Variants in MCM8 observed in about 807,000 individuals in gnomAD.
MCM8 encodes DNA helicase MCM8.
MCM8 carries 85 observed loss-of-function variants against 98.9 expected under a neutral mutation model. The observed-to-expected ratio is 0.86, with a 90% CI of 0.72 to 1.03. MCM8 has a LOEUF of 1.03. Among genes scored for constraint, MCM8 ranks in the 50% least tolerant of loss-of-function variants. The pLI, the probability that MCM8 is intolerant of heterozygous loss-of-function variation, is 0.00. For synonymous variants in MCM8, 352 were observed against 338.6 expected, an observed-to-expected ratio of 1.04 and a Z score of -0.44; for missense variants, 951 against 997.8, an observed-to-expected ratio of 0.95 and a Z score of 0.63.
chr20:5,994,750 AAATTT>A lies in MCM8; in HGVS notation c.*362_*366del, dbSNP rs1185512101. 2.2e-6 allele frequency: 1 copy of A among 452,260 alleles called. No homozygotes were observed. The highest frequency in any genetic ancestry group is 2.0e-5 in the African/African-American group (1 of 49,506). 28.0% of individuals were successfully genotyped at this position (452,260 alleles called of 1,614,324 possible). A position where few individuals can be genotyped will look rare whatever the true frequency, so the allele number is the denominator to read the frequency against. On this transcript the variant is annotated 3_prime_UTR_variant, in exon 19 of 19. Transcript: ENST00000610722. ...CCCATTTCTTAAAAAAAAAAAAAAA[AAATTT>A]AAACTTAGCTGGGTATGGTGGCACA...
chr20:5,987,140 C>G, intron 16 of MCM8, 142 bp from the exon 17 acceptor site: 2 of 723,302 alleles, frequency 2.8e-6, no homozygotes, highest in Non-Finnish European at 4.5e-6. Context: ...AGAATTACTT[C>G]CATATTTTGA....
intron 8 of MCM8, among the ~76,000 whole-genome samples, chr20:5,966,888 G>A (rs1024155534): frequency 3.3e-5 from 5 of 152,112 alleles, no homozygotes. Flanking sequence ...GATAAAGTAC[G>A]CATTCTTCCC....
intron 14 of MCM8, among the ~76,000 whole-genome samples, chr20:5,984,269 T>C (rs1470446732): frequency 6.6e-6 from 1 of 152,194 alleles, no homozygotes; most frequent in Non-Finnish European, 1.5e-5. Flanking sequence ...AAACAGTCTT[T>C]GATACATAGT....
At position 5,961,511 on chromosome 20, in the gene MCM8, C is replaced by T. The variant is rs116923940; in HGVS notation, c.790-1763C>T. On this transcript the variant is annotated intron_variant, in intron 7 of 18. Coordinates refer to ENST00000610722, the MANE Select transcript of MCM8 (RefSeq NM_032485.6). The stretch of plus-strand genomic sequence containing the variant: ...CTGGAAGAAGAGGGTATGTGAGATT[C>T]AGCTATTGGTTCTGAATAATCAGTG... 7.3e-3 allele frequency among the ~76,000 whole-genome samples: 1,119 copies of T among 152,260 alleles called. 10 individuals carry two copies. Among genetic ancestry groups the T allele is most frequent in the South Asian group, 0.031 (147 of 4,818 alleles).
intron 17 of MCM8, among the ~76,000 whole-genome samples, chr20:5,992,792 TTAA>T (rs2089879603): frequency 1.3e-5 from 2 of 152,200 alleles, no homozygotes; most frequent in Non-Finnish European, 2.9e-5. Context: ...ATTTGACTAA[TTAA>T]TTAATTCCTG....
chr20:5,959,501 T>G (rs1006049056), intron 7 of MCM8, among the ~76,000 whole-genome samples: 22 of 152,158 alleles, frequency 1.4e-4, no homozygotes, highest in Non-Finnish European at 2.9e-5. Context: ...TCTACCTATT[T>G]TAATACATAT....
Position 5,957,174 on chromosome 20 carries a change from G to A in MCM8, c.535G>A (p.Glu179Lys). Reference sequence around the variant, plus strand: ...GCATGCAGCTGAGTTACAAGCCCAGGAAGGATTGTCTAATGATGGAGAAAC... The same window carrying A: ...GCATGCAGCTGAGTTACAAGCCCAGAAAGGATTGTCTAATGATGGAGAAAC... ...ERHAAELQAQEGLSNDGETMV... is the reference protein window; with the variant it reads ...ERHAAELQAQKGLSNDGETMV... The change falls in exon 6 of 19, where the codon GAA becomes AAA. Residue 179 changes from glutamate (E) to lysine (K), a missense_variant. Coordinates refer to ENST00000610722, the MANE Select transcript of MCM8 (RefSeq NM_032485.6). 1 of 1,613,770 alleles carries A rather than the reference G, an allele frequency of 6.2e-7. No individual in the cohort carries two copies. The highest frequency in any genetic ancestry group is 8.5e-7 in the Non-Finnish European group (1 of 1,179,832).
chr20:5,969,329 A>G (rs547601435), intron 10 of MCM8, among the ~76,000 whole-genome samples: 55 of 152,248 alleles, frequency 3.6e-4, no homozygotes, highest in African/African-American at 1.3e-3. Context: ...CAGTGGCTCA[A>G]GCCCGTAATC....
In MCM8 at chr20:5,997,178, CTTTTTTCTTTTTTTTT is replaced by C. The variant is rs1014801052; in HGVS notation, c.*2794_*2809del. 7.1e-6 allele frequency: 1 copy of C among 140,958 alleles called. No homozygotes were observed. Among genetic ancestry groups the C allele is most frequent in the African/African-American group, 3.1e-5 (1 of 32,342 alleles). 8.7% of individuals were successfully genotyped at this position (140,958 alleles called of 1,614,324 possible). The stretch of plus-strand genomic sequence containing the variant: ...ACATCATGAAAGTTTCTTTTTTTTT[CTTTTTTCTTTTTTTTT>C]TTTTTTTGAGACAGAGTTTTGCTCT... On this transcript the variant is annotated 3_prime_UTR_variant, in exon 19 of 19. Transcript: ENST00000610722.
intron 1 of MCM8, among the ~76,000 whole-genome samples, chr20:5,951,748 T>C (rs2088830293): frequency 1.3e-5 from 2 of 152,222 alleles, no homozygotes; most frequent in African/African-American, 4.8e-5. Context: ...TACCTGTCCT[T>C]ATTTTTAACC....
intron 4 of MCM8, 36 bp from the exon 5 acceptor site, chr20:5,955,066 A>G (rs769341280): frequency 1.4e-6 from 2 of 1,471,564 alleles, no homozygotes; most frequent in East Asian, 2.3e-5. Context: ...GACTACAGAA[A>G]AGCAATTATT....
At chr20:5,990,327 T>G (rs2122834341) in intron 17 of MCM8, among the ~76,000 whole-genome samples, 1 of 152,320 alleles carries the variant, frequency 6.6e-6, no homozygotes, top group Non-Finnish European at 1.5e-5. Context: ...TCTGCCCACG[T>G]TGGCCTCCCA....
intron 7 of MCM8, among the ~76,000 whole-genome samples, chr20:5,959,690 C>CTT (rs61232248): frequency 1.5e-4 from 10 of 65,198 alleles, no homozygotes; most frequent in East Asian, 9.4e-4. Flanking sequence ...GTAGGCTGTA[C>CTT]TTTTTTTTTT....
chr20:5,971,912 T>G (rs1271178031), intron 10 of MCM8, 95 bp from the exon 11 acceptor site: 29 of 988,172 alleles, frequency 2.9e-5, no homozygotes, highest in African/African-American at 5.0e-5. Flanking sequence ...TTTGTCTTTG[T>G]TGATATTAAG....
chr20:5,985,485 C>T (rs940420638), intron 15 of MCM8, among the ~76,000 whole-genome samples: 3 of 150,658 alleles, frequency 2.0e-5, no homozygotes, highest in Non-Finnish European at 4.4e-5. Context: ...AAGATGAGAC[C>T]TACAGATAAA....
At chr20:5,975,837 C>G (rs79992074) in intron 12 of MCM8, among the ~76,000 whole-genome samples, 5,208 of 150,186 alleles carry the variant, frequency 0.035, 121 homozygotes, top group Middle Eastern at 0.1. Flanking sequence ...GATAGTTGTT[C>G]TAAAATGTGT....
At chr20:5,959,643 T>A (rs2089084855) in intron 7 of MCM8, among the ~76,000 whole-genome samples, 1 of 151,874 alleles carries the variant, frequency 6.6e-6, no homozygotes, top group Non-Finnish European at 1.5e-5. Flanking sequence ...CAGAGAACAT[T>A]CTTGTACATG....
intron 3 of MCM8, among the ~76,000 whole-genome samples, chr20:5,953,435 A>AGG (rs1424773424): frequency 6.4e-5 from 7 of 109,056 alleles, no homozygotes; most frequent in African/African-American, 1.7e-4. Context: ...ATGTCTCATG[A>AGG]GGGGTGTGTG....
intron 15 of MCM8, 138 bp from the exon 16 acceptor site, chr20:5,985,784 G>A: frequency 2.7e-6 from 2 of 736,634 alleles, no homozygotes; most frequent in Non-Finnish European, 4.5e-6. Flanking sequence ...GACCTCAGGT[G>A]ATGTGTCCTC....
Sources: gnomAD v4.1 joint callset for allele counts (sites outside exome capture counted in the v4.1 genomes callset) on GRCh38, gnomAD v4.1.1 for gene constraint, MANE v1.5 for transcripts, NCBI Gene and HGNC (gene_info 2026-07-23, HGNC 2026-07-21) for gene names.